Variants in GABPA observed in about 807,000 individuals in gnomAD.
GABPA encodes GA-binding protein alpha chain.
A neutral mutation model predicts 59.4 loss-of-function variants in GABPA; 4 were observed. The ratio of observed to expected loss-of-function variants is 0.07; its 90% CI spans 0.03 to 0.15. GABPA has a LOEUF of 0.15. Ranked by LOEUF, GABPA falls within the 10% of genes least tolerant of loss-of-function variation. The probability of loss-of-function intolerance (pLI) is 1.00; values close to 1 mark genes in which losing one functional copy is unlikely to be tolerated. For missense variants in GABPA, 251 were observed against 543.8 expected, an observed-to-expected ratio of 0.46 and a Z score of 5.36; for synonymous variants, 164 against 183.1, an observed-to-expected ratio of 0.90 and a Z score of 0.84.
intron 5 of GABPA, among the ~76,000 whole-genome samples, chr21:25,752,899 G>C (rs1317101890): frequency 1.3e-5 from 2 of 152,146 alleles, no homozygotes; most frequent in Non-Finnish European, 2.9e-5. Context: ...CATTAGCCCA[G>C]ACTCCAGATG....
chr21:25,735,031 C>G lies in GABPA; in HGVS notation c.-574C>G. On this transcript the variant is annotated 5_prime_UTR_variant, in exon 1 of 10. Coordinates refer to ENST00000400075, the MANE Select transcript of GABPA (RefSeq NM_002040.4). ...GGAGACAGTCTGCGACCGGACGGGT[C>G]TAGGTGAGACAGAAGCCAAACAGGA... 2 of 1,478,786 alleles carry G rather than the reference C, an allele frequency of 1.4e-6. No individual in the cohort carries two copies. Among genetic ancestry groups the G allele is most frequent in the Non-Finnish European group, 1.8e-6 (2 of 1,088,718 alleles). The allele number at this position is 1,478,786 out of a possible 1,614,324, so 91.6% of individuals were successfully genotyped here.
intron 3 of GABPA, 91 bp from the exon 4 acceptor site, chr21:25,748,945 G>A (rs2035438046): frequency 2.6e-6 from 2 of 771,008 alleles, no homozygotes; most frequent in East Asian, 5.0e-5. Flanking sequence ...ATTAAGTTCT[G>A]TTTGGTACAT....
Position 25,741,566 on chromosome 21 carries a change from C to T in GABPA, c.-26-7C>T. Reference sequence around the variant, plus strand: ...TTTTAAAATATCTTAAAAAGTCACTCTTGCAGGACTGATCCTTTGAAATAC... The same window carrying T: ...TTTTAAAATATCTTAAAAAGTCACTTTTGCAGGACTGATCCTTTGAAATAC... On this transcript the variant is annotated splice_polypyrimidine_tract_variant and splice_region_variant and intron_variant, in intron 1 of 9. Coordinates refer to ENST00000400075, the MANE Select transcript of GABPA (RefSeq NM_002040.4). 1 of 1,458,082 alleles carries T rather than the reference C, an allele frequency of 6.9e-7. No individual in the cohort carries two copies. Among genetic ancestry groups the T allele is most frequent in the Non-Finnish European group, 9.5e-7 (1 of 1,058,034 alleles). The allele number at this position is 1,458,082 out of a possible 1,614,324, so 90.3% of individuals were successfully genotyped here.
At position 25,771,540 on chromosome 21, in the gene GABPA, A is replaced by G. The variant is rs771245081; in HGVS notation, c.*2308A>G. On this transcript the variant is annotated 3_prime_UTR_variant, in exon 10 of 10. Transcript: ENST00000400075. ...AACTCATTACTTTGCCTCAAATTAT[A>G]TGTAAAATATTTGTTTTACTTAGGT... 3.9e-5 allele frequency: 6 copies of G among 151,912 alleles called. No homozygotes were observed. Among genetic ancestry groups the G allele is most frequent in the Non-Finnish European group, 7.4e-5 (5 of 67,840 alleles). The allele number at this position is 151,912 out of a possible 1,614,324, so 9.4% of individuals were successfully genotyped here.
At chr21:25,740,870 A>C (rs2035203199) in intron 1 of GABPA, among the ~76,000 whole-genome samples, 1 of 152,232 alleles carries the variant, frequency 6.6e-6, no homozygotes, top group Non-Finnish European at 1.5e-5. Context: ...GATACTTTGC[A>C]GTAAATTCTG....
intron 6 of GABPA, among the ~76,000 whole-genome samples, chr21:25,761,088 A>G (rs2146091732): frequency 6.6e-6 from 1 of 152,242 alleles, no homozygotes; most frequent in Non-Finnish European, 1.5e-5. Flanking sequence ...AAAATTTACT[A>G]CAAACATAAA....
At chr21:25,754,472 C>G (rs1421121116) in intron 5 of GABPA, among the ~76,000 whole-genome samples, 2 of 152,044 alleles carry the variant, frequency 1.3e-5, no homozygotes, top group Non-Finnish European at 2.9e-5. Flanking sequence ...TACTTTCTGC[C>G]AGATTTTCTT....
chr21:25,737,779 G>A (rs1424923747), intron 1 of GABPA, among the ~76,000 whole-genome samples: 2 of 152,002 alleles, frequency 1.3e-5, no homozygotes, highest in Non-Finnish European at 2.9e-5. Flanking sequence ...CTCTTTATAA[G>A]CCCTGAAAAT....
rs1396070885 is a variant in GABPA, at chr21:25,770,222, A to C, written c.*990A>C. The C allele has an allele frequency of 6.6e-6, 1 of 152,366 alleles. No individual in the cohort carries two copies. Among genetic ancestry groups the C allele is most frequent in the African/African-American group, 2.4e-5 (1 of 41,462 alleles). 9.4% of individuals were successfully genotyped at this position (152,366 alleles called of 1,614,324 possible). On this transcript the variant is annotated 3_prime_UTR_variant, in exon 10 of 10. Coordinates refer to ENST00000400075, the MANE Select transcript of GABPA (RefSeq NM_002040.4). ...TAGTAAATTACTTGCAAATAGTTTT[A>C]AAAGGAAAATACGACCTTTGTTATA...
At chr21:25,764,384 A>G (rs1601152283) in intron 8 of GABPA, 34 bp downstream of exon 8, 2 of 1,545,804 alleles carry the variant, frequency 1.3e-6, no homozygotes, top group Non-Finnish European at 1.8e-6. Flanking sequence ...TATAAAATAT[A>G]TCTATCTAAT....
At chr21:25,744,970 A>T (rs1018204616) in intron 2 of GABPA, among the ~76,000 whole-genome samples, 1 of 152,208 alleles carries the variant, frequency 6.6e-6, no homozygotes, top group African/African-American at 2.4e-5. Flanking sequence ...ATGTATGTAC[A>T]TACATAATGA....
intron 3 of GABPA, among the ~76,000 whole-genome samples, chr21:25,747,234 C>CA (rs1172977829): frequency 6.6e-6 from 1 of 152,186 alleles, no homozygotes; most frequent in Non-Finnish European, 1.5e-5. Context: ...GAATATAACT[C>CA]AGTGTCACTG....
In GABPA at chr21:25,763,394, A is replaced by G. The variant is rs1052003298; in HGVS notation, c.803-816A>G. The G allele has an allele frequency of 1.9e-5, 4 of 212,612 alleles. No homozygotes were observed. The Admixed American group carries it at 2.3e-4, about 12-fold the overall frequency. 13.2% of individuals were successfully genotyped at this position (212,612 alleles called of 1,614,324 possible). ...TCATCCCAACCGGCTAAAATTTTTA[A>G]TGAGGAATTTGAGATACACAAAGAA... is the stretch of plus-strand genomic sequence containing the variant. On this transcript the variant is annotated intron_variant, in intron 7 of 9. Coordinates refer to ENST00000400075, the MANE Select transcript of GABPA (RefSeq NM_002040.4).
chr21:25,765,965 C>T (rs71651643), intron 9 of GABPA, among the ~76,000 whole-genome samples: 1 of 151,986 alleles, frequency 6.6e-6, no homozygotes, highest in East Asian at 1.9e-4. Context: ...CTATAAAGTA[C>T]CATGGTAGTC....
intron 7 of GABPA, chr21:25,762,793 A>G (rs2829896): frequency 0.57 from 104,377 of 184,526 alleles, 31,873 homozygotes; most frequent in Non-Finnish European, 0.67. Flanking sequence ...AGGAGTTACA[A>G]TGGGTTTGAA....
At chr21:25,753,781 T>C (rs2035569834) in intron 5 of GABPA, among the ~76,000 whole-genome samples, 1 of 152,146 alleles carries the variant, frequency 6.6e-6, no homozygotes, top group Non-Finnish European at 1.5e-5. Flanking sequence ...GGGACCTGAG[T>C]GTATTTGTAA....
At chr21:25,760,401 C>T (rs548132775) in intron 6 of GABPA, among the ~76,000 whole-genome samples, 1 of 152,244 alleles carries the variant, frequency 6.6e-6, no homozygotes, top group Non-Finnish European at 1.5e-5. Context: ...AATAACCCAG[C>T]CTCTATTATC....
At chr21:25,752,434 G>C in intron 5 of GABPA, 200 bp downstream of exon 5, 1 of 591,306 alleles carries the variant, frequency 1.7e-6, no homozygotes. Context: ...GAAATACAAA[G>C]AAGTCTAAAA....
Position 25,771,273 on chromosome 21 carries a change from T to C in GABPA, c.*2041T>C, listed in dbSNP as rs1396267513. 1 of 152,040 alleles carries C rather than the reference T, an allele frequency of 6.6e-6. No homozygotes were observed. Among genetic ancestry groups the C allele is most frequent in the Admixed American group, 6.5e-5 (1 of 15,280 alleles). 9.4% of individuals were successfully genotyped at this position (152,040 alleles called of 1,614,324 possible). On this transcript the variant is annotated 3_prime_UTR_variant, in exon 10 of 10. Coordinates refer to ENST00000400075, the MANE Select transcript of GABPA (RefSeq NM_002040.4). ...AATTATATATGTGTGTGTATGTTTT[T>C]AAAGCTAAAAACATTACTTTTAGAT...
Sources: allele counts gnomAD v4.1 joint callset (sites outside exome capture counted in the v4.1 genomes callset), GRCh38; gene constraint gnomAD v4.1.1; transcripts MANE v1.5; gene names NCBI Gene and HGNC (gene_info 2026-07-23, HGNC 2026-07-21).